SUPT3H: variants seen among roughly 807,000 people sequenced by gnomAD.
SUPT3H encodes the protein transcription initiation protein SPT3 homolog.
Under a neutral mutation model 44.3 loss-of-function variants are expected in SUPT3H, and 44 were observed. The ratio of observed to expected loss-of-function variants is 0.99; its 90% CI spans 0.78 to 1.28. The LOEUF (loss-of-function observed/expected upper bound fraction) is 1.28, where lower values mean the gene tolerates loss of function less well. Ranked by LOEUF, SUPT3H falls within the 50% of genes most tolerant of loss-of-function variation. SUPT3H has a pLI of 0.00. For missense variants in SUPT3H, 380 were observed against 387.1 expected, an observed-to-expected ratio of 0.98 and a Z score of 0.15; for synonymous variants, 124 against 125.6, an observed-to-expected ratio of 0.99 and a Z score of 0.09.
chr6:45,117,863 T>C (rs914488236), intron 2 of SUPT3H, among the ~76,000 whole-genome samples: 2 of 152,200 alleles, frequency 1.3e-5, no homozygotes, highest in South Asian at 2.1e-4. Flanking sequence ...AATTGTCTTA[T>C]AGTGATCAGT....
chr6:44,869,213 C>A (rs1340147052), intron 10 of SUPT3H, among the ~76,000 whole-genome samples: 1 of 148,642 alleles, frequency 6.7e-6, no homozygotes, highest in East Asian at 2.0e-4. Context: ...TTTTTTTTTT[C>A]TTTGAAGACT....
At chr6:44,883,506 T>C (rs1385625673) in intron 10 of SUPT3H, among the ~76,000 whole-genome samples, 2 of 152,176 alleles carry the variant, frequency 1.3e-5, no homozygotes, top group African/African-American at 4.8e-5. Context: ...TTGACTTTCT[T>C]CATACAATTA....
At chr6:45,323,319 AGC>A (rs1395742863) in intron 2 of SUPT3H, among the ~76,000 whole-genome samples, 102 of 152,262 alleles carry the variant, frequency 6.7e-4, no homozygotes, top group African/African-American at 2.4e-3. Flanking sequence ...GACAGCTAAG[AGC>A]ACAGTGGATT....
intron 2 of SUPT3H, among the ~76,000 whole-genome samples, chr6:45,275,699 C>G (rs1283948009): frequency 6.6e-6 from 1 of 152,006 alleles, no homozygotes. Context: ...CATATTTATA[C>G]TTTGGTTAGG....
At chr6:45,114,119 G>A (rs1457708434) in intron 2 of SUPT3H, among the ~76,000 whole-genome samples, 5 of 151,886 alleles carry the variant, frequency 3.3e-5, no homozygotes. Flanking sequence ...ATACATATAT[G>A]TTTAAAATAA....
At chr6:45,042,504 T>C (rs1384872621) in intron 3 of SUPT3H, among the ~76,000 whole-genome samples, 1 of 152,218 alleles carries the variant, frequency 6.6e-6, no homozygotes, top group Non-Finnish European at 1.5e-5. Flanking sequence ...TTACTATATG[T>C]CTGGAATAGG....
chr6:45,219,841 C>T (rs955122844), intron 2 of SUPT3H, among the ~76,000 whole-genome samples: 1 of 151,762 alleles, frequency 6.6e-6, no homozygotes, highest in Non-Finnish European at 1.5e-5. Context: ...GAGTTTGAGA[C>T]AAGCCTGGCC....
At chr6:45,249,502 T>G (rs1210974534) in intron 2 of SUPT3H, among the ~76,000 whole-genome samples, 3 of 150,620 alleles carry the variant, frequency 2.0e-5, no homozygotes, top group Non-Finnish European at 4.4e-5. Context: ...TAATAGCATT[T>G]TGGAAGCTAG....
chr6:45,113,146 T>A (rs1800325985), intron 2 of SUPT3H, among the ~76,000 whole-genome samples: 1 of 152,028 alleles, frequency 6.6e-6, no homozygotes, highest in Non-Finnish European at 1.5e-5. Context: ...ATTACACTTT[T>A]ATAGACTAGG....
intron 2 of SUPT3H, among the ~76,000 whole-genome samples, chr6:45,199,907 T>C (rs1376620858): frequency 6.6e-6 from 1 of 151,436 alleles, no homozygotes; most frequent in Non-Finnish European, 1.5e-5. Flanking sequence ...TGTGAGTCTG[T>C]GGCTTAACTG....
At chr6:45,043,913 T>G (rs1454480717) in intron 3 of SUPT3H, among the ~76,000 whole-genome samples, 1 of 152,190 alleles carries the variant, frequency 6.6e-6, no homozygotes, top group Non-Finnish European at 1.5e-5. Flanking sequence ...CAAGAACCCC[T>G]TACTGCCTTT....
At chr6:44,813,161 A>G (rs745315057) in intron 11 of SUPT3H, among the ~76,000 whole-genome samples, 14 of 152,110 alleles carry the variant, frequency 9.2e-5, no homozygotes, top group Non-Finnish European at 1.5e-4. Context: ...CCTGCCAGAA[A>G]ATTATATCCT....
At position 44,886,884 on chromosome 6, in the gene SUPT3H, G is replaced by A. The variant is rs1319547561; in HGVS notation, c.912+45769C>T. 9.2e-5 allele frequency among the ~76,000 whole-genome samples: 14 copies of A among 152,034 alleles called. 1 individual carries two copies. Among genetic ancestry groups the A allele is most frequent in the East Asian group, 7.7e-4 (4 of 5,194 alleles). On this transcript the variant is annotated intron_variant, in intron 10 of 10. Transcript: ENST00000371459. ...TATTCAGGAAACCCATCTCACATGC[G>A]GAGACACACAGAAGCTCAAAATAAA...
chr6:45,341,700 G>T (rs1257566728), intron 2 of SUPT3H, among the ~76,000 whole-genome samples: 1 of 152,130 alleles, frequency 6.6e-6, no homozygotes, highest in African/African-American at 2.4e-5. Context: ...CGGAATAACA[G>T]ATAGTTAAAA....
intron 2 of SUPT3H, among the ~76,000 whole-genome samples, chr6:45,217,341 G>C (rs889797170): frequency 6.6e-6 from 1 of 151,802 alleles, no homozygotes; most frequent in African/African-American, 2.4e-5. Flanking sequence ...CAGGTGTAGC[G>C]GTGCGCGTCT....
intron 3 of SUPT3H, among the ~76,000 whole-genome samples, chr6:45,033,782 A>G (rs1787300546): frequency 6.6e-6 from 1 of 152,172 alleles, no homozygotes; most frequent in East Asian, 1.9e-4. Flanking sequence ...AAATATCTAA[A>G]GAAAATATTC....
rs555393836 is a variant in SUPT3H, at chr6:45,336,319, A to G, written c.101+28882T>C. Among the ~76,000 whole-genome samples, 6 of 151,598 alleles carry G rather than the reference A, an allele frequency of 4.0e-5. No individual in the cohort carries two copies. In the South Asian group the frequency reaches 1.0e-3, roughly 26 times the overall value. ...AGATTTAACAATATCCCTCCCTTAT[A>G]ACACGCATAAGCATATTGCAGAATA... is the stretch of plus-strand genomic sequence containing the variant. On this transcript the variant is annotated intron_variant, in intron 2 of 10. Coordinates refer to ENST00000371459, the MANE Select transcript of SUPT3H (RefSeq NM_003599.4).
At chr6:45,327,014 C>T (rs972609347) in intron 2 of SUPT3H, among the ~76,000 whole-genome samples, 3 of 151,774 alleles carry the variant, frequency 2.0e-5, no homozygotes, top group South Asian at 2.1e-4. Flanking sequence ...AATACTCCAT[C>T]GCTCCCAACT....
intron 2 of SUPT3H, among the ~76,000 whole-genome samples, chr6:45,288,643 A>AT (rs1779793946): frequency 7.7e-6 from 1 of 129,848 alleles, no homozygotes; most frequent in African/African-American, 2.8e-5. Context: ...ATAGCAAAGC[A>AT]TTTTTCAGTC....
Sources: gnomAD v4.1 joint callset for allele counts (sites outside exome capture counted in the v4.1 genomes callset) on GRCh38, gnomAD v4.1.1 for gene constraint, MANE v1.5 for transcripts, NCBI Gene and HGNC (gene_info 2026-07-23, HGNC 2026-07-21) for gene names.